The following COX7B2 variants were observed in gnomAD, a reference collection of about 807,000 sequenced individuals.
The protein encoded by COX7B2 is cytochrome c oxidase subunit 7B2, mitochondrial.
For missense variants in COX7B2, 109 were observed against 95.9 expected, an observed-to-expected ratio of 1.14 and a Z score of -0.57; for synonymous variants, 37 against 32.1, an observed-to-expected ratio of 1.15 and a Z score of -0.51.
At chr4:46,843,003 C>T (rs1270195050) in intron 2 of COX7B2, among the ~76,000 whole-genome samples, 3 of 151,974 alleles carry the variant, frequency 2.0e-5, no homozygotes, top group East Asian at 3.9e-4. Flanking sequence ...GTTGAACTAG[C>T]TTACAGTCCC....
At chr4:46,772,605 A>AG (rs1324826576) in intron 2 of COX7B2, among the ~76,000 whole-genome samples, 2 of 152,148 alleles carry the variant, frequency 1.3e-5, no homozygotes, top group African/African-American at 4.8e-5. Context: ...GCTGGGAAGG[A>AG]GGAAAAAAGA....
At chr4:46,752,905 T>C (rs1690695109) in intron 2 of COX7B2, among the ~76,000 whole-genome samples, 1 of 152,164 alleles carries the variant, frequency 6.6e-6, no homozygotes, top group Non-Finnish European at 1.5e-5. Context: ...CTGCCAGGCT[T>C]TGGTATCAGG....
intron 1 of COX7B2, among the ~76,000 whole-genome samples, chr4:46,880,190 G>A (rs911550173): frequency 6.6e-6 from 1 of 152,028 alleles, no homozygotes; most frequent in Non-Finnish European, 1.5e-5. Flanking sequence ...ATTTTGTTGA[G>A]GATTTTTGCA....
At chr4:46,815,011 C>A (rs1404226574) in intron 2 of COX7B2, among the ~76,000 whole-genome samples, 1 of 151,902 alleles carries the variant, frequency 6.6e-6, no homozygotes, top group African/African-American at 2.4e-5. Context: ...CACGGCGAAA[C>A]CCCGTCTCTA....
intron 2 of COX7B2, among the ~76,000 whole-genome samples, chr4:46,745,971 A>G (rs2109414095): frequency 6.6e-6 from 1 of 152,318 alleles, no homozygotes; most frequent in African/African-American, 2.4e-5. Context: ...TAATCATCTG[A>G]ATATTTGTTA....
At chr4:46,890,816 T>C (rs866658352) in intron 1 of COX7B2, among the ~76,000 whole-genome samples, 2 of 152,080 alleles carry the variant, frequency 1.3e-5, no homozygotes, top group East Asian at 1.9e-4. Context: ...CTTTGGGAAA[T>C]AGTAAGGATT....
At chr4:46,737,229 C>T (rs1327376357) in intron 2 of COX7B2, among the ~76,000 whole-genome samples, 1 of 152,166 alleles carries the variant, frequency 6.6e-6, no homozygotes, top group Non-Finnish European at 1.5e-5. Flanking sequence ...TTGCCATCTT[C>T]ATCTCCCCTT....
At chr4:46,762,385 TAATA>T (rs1184257587) in intron 2 of COX7B2, among the ~76,000 whole-genome samples, 1 of 136,484 alleles carries the variant, frequency 7.3e-6, no homozygotes, top group African/African-American at 2.7e-5. Context: ...ATACAATATA[TAATA>T]TATATTTACA....
rs566933835 is a variant in COX7B2 at position 46,734,913 on chromosome 4, T to G, written c.*34A>C. The G allele has an allele frequency of 6.2e-7, 1 of 1,613,420 alleles. No homozygotes were observed. Among genetic ancestry groups the G allele is most frequent in the Admixed American group, 1.7e-5 (1 of 59,928 alleles). On this transcript the variant is annotated 3_prime_UTR_variant, in exon 3 of 3. Transcript: ENST00000355591. Reference sequence around the variant, plus strand: ...AGTGCTTACATGACAAGTTGGTTTTTTAAACAATTCTGTCATTACAGCAAC... The same window carrying G: ...AGTGCTTACATGACAAGTTGGTTTTGTAAACAATTCTGTCATTACAGCAAC...
intron 2 of COX7B2, among the ~76,000 whole-genome samples, chr4:46,808,518 C>A (rs1719121445): frequency 1.3e-5 from 2 of 151,560 alleles, no homozygotes; most frequent in South Asian, 4.1e-4. Flanking sequence ...TTTTCATGTC[C>A]TTTGTTTCTT....
At chr4:46,849,898 T>A (rs899137736) in intron 1 of COX7B2, among the ~76,000 whole-genome samples, 1 of 152,052 alleles carries the variant, frequency 6.6e-6, no homozygotes, top group African/African-American at 2.4e-5. Flanking sequence ...AAGAATATGT[T>A]CATATAACTA....
chr4:46,878,246 A>C (rs1427581458), intron 1 of COX7B2, among the ~76,000 whole-genome samples: 4 of 152,044 alleles, frequency 2.6e-5, no homozygotes, highest in Non-Finnish European at 4.4e-5. Context: ...AGGGGTGAGG[A>C]GGTAAGGAAA....
chr4:46,869,667 T>G (rs919684488), intron 1 of COX7B2, among the ~76,000 whole-genome samples: 1 of 151,784 alleles, frequency 6.6e-6, no homozygotes, highest in Non-Finnish European at 1.5e-5. Context: ...TAGTTGAAGA[T>G]TTTTTTTTCT....
chr4:46,867,038 T>C (rs2109813951), intron 1 of COX7B2, among the ~76,000 whole-genome samples: 1 of 152,336 alleles, frequency 6.6e-6, no homozygotes, highest in Non-Finnish European at 1.5e-5. Flanking sequence ...CTACTAATTT[T>C]TGGCCCTTGC....
chr4:46,770,842 T>G lies in COX7B2; in HGVS notation c.-49-35601A>C, dbSNP rs1282225455. On this transcript the variant is annotated intron_variant, in intron 2 of 2. Coordinates refer to ENST00000355591, the MANE Select transcript of COX7B2 (RefSeq NM_130902.3). ...AATCAACTCAAAAGGGATTAAAGAC[T>G]TAAAAATAAGACCGGAAACTGTAAA... is the stretch of plus-strand genomic sequence containing the variant. Among the ~76,000 whole-genome samples the G allele has an allele frequency of 5.3e-5, 8 of 152,264 alleles. No individual in the cohort carries two copies. In the East Asian group the frequency reaches 1.5e-3, roughly 29 times the overall value.
chr4:46,765,349 A>C (rs1054664374), intron 2 of COX7B2, among the ~76,000 whole-genome samples: 2 of 152,160 alleles, frequency 1.3e-5, no homozygotes, highest in African/African-American at 4.8e-5. Flanking sequence ...GTGAGTACTC[A>C]GTTTTGCCAT....
chr4:46,856,004 G>T (rs1716990194), intron 1 of COX7B2, among the ~76,000 whole-genome samples: 1 of 152,028 alleles, frequency 6.6e-6, no homozygotes, highest in Non-Finnish European at 1.5e-5. Context: ...AGCACTTTGG[G>T]AGGCCAAGGC....
chr4:46,863,515 A>T (rs1343476039), intron 1 of COX7B2, among the ~76,000 whole-genome samples: 1 of 152,220 alleles, frequency 6.6e-6, no homozygotes, highest in Non-Finnish European at 1.5e-5. Flanking sequence ...TTAAAGCAAG[A>T]TCTTCTTAAG....
At chr4:46,869,081 T>C (rs62305208) in intron 1 of COX7B2, among the ~76,000 whole-genome samples, 58 of 152,322 alleles carry the variant, frequency 3.8e-4, no homozygotes, top group African/African-American at 1.4e-3. Context: ...ATATTTAGGA[T>C]AGTTAGGTCT....
Sources: allele counts gnomAD v4.1 joint callset (sites outside exome capture counted in the v4.1 genomes callset), GRCh38; gene constraint gnomAD v4.1.1; transcripts MANE v1.5; gene names NCBI Gene and HGNC (gene_info 2026-07-23, HGNC 2026-07-21).